TRIO: variants seen among roughly 807,000 people sequenced by gnomAD.
TRIO encodes trio Rho guanine nucleotide exchange factor, also known as triple functional domain protein.
Under a neutral mutation model 351.9 loss-of-function variants are expected in TRIO, and 58 were observed. The ratio of observed to expected loss-of-function variants is 0.16; its 90% CI spans 0.13 to 0.21. The LOEUF is 0.21. Among genes scored for constraint, TRIO ranks in the 10% least tolerant of loss-of-function variants. The pLI is 1.00. For synonymous variants in TRIO, 1,758 were observed against 1,595.7 expected, an observed-to-expected ratio of 1.10 and a Z score of -2.42; for missense variants, 3,201 against 4,027.8, an observed-to-expected ratio of 0.79 and a Z score of 5.56.
chr5:14,275,654 T>C (rs2152272950), intron 2 of TRIO, among the ~76,000 whole-genome samples: 1 of 151,948 alleles, frequency 6.6e-6, no homozygotes, highest in East Asian at 1.9e-4. Context: ...TCTGTTTTCA[T>C]CTTCTTCTCC....
At chr5:14,476,470 A>C (rs1755082762) in intron 40 of TRIO, among the ~76,000 whole-genome samples, 1 of 152,182 alleles carries the variant, frequency 6.6e-6, no homozygotes, top group Non-Finnish European at 1.5e-5. Flanking sequence ...CACACTTCAC[A>C]GTTGCTCATG....
At chr5:14,393,807 A>T (rs2152367372) in intron 27 of TRIO, among the ~76,000 whole-genome samples, 1 of 152,360 alleles carries the variant, frequency 6.6e-6, no homozygotes. Context: ...ATTGAACAGT[A>T]AGGTAGATCC....
intron 1 of TRIO, among the ~76,000 whole-genome samples, chr5:14,193,167 G>T (rs941681577): frequency 2.6e-5 from 4 of 152,194 alleles, no homozygotes; most frequent in Non-Finnish European, 2.9e-5. Context: ...GTGTGATGCA[G>T]TTATTAAAAT....
At chr5:14,236,421 C>G (rs1466751831) in intron 1 of TRIO, among the ~76,000 whole-genome samples, 3 of 152,144 alleles carry the variant, frequency 2.0e-5, no homozygotes, top group Non-Finnish European at 4.4e-5. Context: ...TCTCAGTACA[C>G]CAAACGTAAC....
chr5:14,499,422 A>G (rs958499582), intron 53 of TRIO, among the ~76,000 whole-genome samples: 1 of 152,238 alleles, frequency 6.6e-6, no homozygotes, highest in African/African-American at 2.4e-5. Context: ...AAGGCCGGCC[A>G]TGCAGTACTG....
chr5:14,179,641 G>A (rs1227039020), intron 1 of TRIO, among the ~76,000 whole-genome samples: 1 of 151,652 alleles, frequency 6.6e-6, no homozygotes, highest in Non-Finnish European at 1.5e-5. Flanking sequence ...TAGCAGTGCA[G>A]TTTCACTGTT....
At chr5:14,165,554 A>G (rs1181498457) in intron 1 of TRIO, among the ~76,000 whole-genome samples, 1 of 152,024 alleles carries the variant, frequency 6.6e-6, no homozygotes, top group Non-Finnish European at 1.5e-5. Context: ...TGTTGTGAAT[A>G]GTGCAGCTGT....
chr5:14,270,749 C>A, intron 1 of TRIO, 76 bp from the exon 2 acceptor site: 1 of 1,096,152 alleles, frequency 9.1e-7, no homozygotes, highest in Non-Finnish European at 1.4e-6. Context: ...GCTGTGTTGG[C>A]ATTGGATAGA....
chr5:14,152,308 A>G (rs1787885668), intron 1 of TRIO, among the ~76,000 whole-genome samples: 1 of 152,206 alleles, frequency 6.6e-6, no homozygotes, highest in African/African-American at 2.4e-5. Context: ...TCGAAAAGCA[A>G]AACAAAACAA....
chr5:14,188,489 A>G (rs1790260379), intron 1 of TRIO, among the ~76,000 whole-genome samples: 1 of 152,220 alleles, frequency 6.6e-6, no homozygotes. Context: ...ACATGAGTAT[A>G]ATTTAACACA....
chr5:14,244,831 G>C (rs1399776622), intron 1 of TRIO, among the ~76,000 whole-genome samples: 1 of 152,178 alleles, frequency 6.6e-6, no homozygotes, highest in East Asian at 1.9e-4. Context: ...CATACAGGGA[G>C]GCTGCAGTTG....
intron 20 of TRIO, among the ~76,000 whole-genome samples, chr5:14,379,478 G>T (rs913916412): frequency 1.3e-5 from 2 of 152,276 alleles, no homozygotes; most frequent in Non-Finnish European, 2.9e-5. Flanking sequence ...GCCCCACCTT[G>T]GTCCTTCTCT....
chr5:14,343,790 G>A (rs369188050), intron 11 of TRIO, among the ~76,000 whole-genome samples: 6 of 152,316 alleles, frequency 3.9e-5, no homozygotes, highest in Admixed American at 2.0e-4. Flanking sequence ...CCAGGAGTGC[G>A]TTTGCTGGGT....
intron 7 of TRIO, among the ~76,000 whole-genome samples, chr5:14,301,017 A>G (rs962877318): frequency 1.3e-5 from 2 of 152,136 alleles, no homozygotes; most frequent in African/African-American, 4.8e-5. Flanking sequence ...GCAGTTCACT[A>G]GCTTCAAGGA....
At chr5:14,301,706 G>C (rs192693937) in intron 7 of TRIO, among the ~76,000 whole-genome samples, 1 of 152,156 alleles carries the variant, frequency 6.6e-6, no homozygotes, top group African/African-American at 2.4e-5. Context: ...CACCAAACTT[G>C]ACCTCAGGAT....
intron 33 of TRIO, among the ~76,000 whole-genome samples, chr5:14,408,022 G>A (rs1748873796): frequency 6.6e-6 from 1 of 152,152 alleles, no homozygotes; most frequent in Admixed American, 6.5e-5. Context: ...TGAGACCTTT[G>A]TCCCCATCAT....
At chr5:14,405,550 G>A (rs185628542) in intron 31 of TRIO, among the ~76,000 whole-genome samples, 104 of 152,330 alleles carry the variant, frequency 6.8e-4, no homozygotes, top group African/African-American at 2.5e-3. Context: ...GGGTGGCTGT[G>A]TTGGTTTATT....
At chr5:14,262,209 C>G (rs1795390630) in intron 1 of TRIO, among the ~76,000 whole-genome samples, 1 of 152,074 alleles carries the variant, frequency 6.6e-6, no homozygotes, top group Non-Finnish European at 1.5e-5. Context: ...TTGATATTTC[C>G]CCTGCAGTGC....
intron 9 of TRIO, among the ~76,000 whole-genome samples, chr5:14,325,804 A>G (rs1393793286): frequency 1.3e-5 from 2 of 152,256 alleles, no homozygotes; most frequent in African/African-American, 4.8e-5. Context: ...CAAATAGCTT[A>G]TACAGGATGC....
Sources: allele counts gnomAD v4.1 joint callset (sites outside exome capture counted in the v4.1 genomes callset), GRCh38; gene constraint gnomAD v4.1.1; transcripts MANE v1.5; gene names NCBI Gene and HGNC (gene_info 2026-07-23, HGNC 2026-07-21).